The following GPHN variants were observed in gnomAD, a reference collection of about 807,000 sequenced individuals.
The protein encoded by GPHN is gephyrin.
GPHN carries 17 observed loss-of-function variants against 95.5 expected under a neutral mutation model. The ratio of observed to expected loss-of-function variants is 0.18; its 90% confidence interval spans 0.12 to 0.27. The LOEUF is 0.27. GPHN is among the 10% of genes least tolerant of loss of function. GPHN has a pLI of 1.00. For synonymous variants in GPHN, 320 were observed against 322.5 expected, an observed-to-expected ratio of 0.99 and a Z score of 0.08; for missense variants, 660 against 978.1, an observed-to-expected ratio of 0.67 and a Z score of 4.34.
the GPHN span, chr14:67,279,089 GA>G: frequency 1.5e-6 from 2 of 1,318,440 alleles, no homozygotes; most frequent in Non-Finnish European, 2.0e-6. Flanking sequence ...AAGTAACATG[GA>G]TTTTATACTA....
chr14:67,309,370 A>G, the GPHN span, among the ~76,000 whole-genome samples: 4 of 152,164 alleles, frequency 2.6e-5, no homozygotes, highest in African/African-American at 7.2e-5. Context: ...CAAATCATTA[A>G]TTTTTCAGAT....
chr14:67,579,130 T>G, the GPHN span: 1 of 1,504,840 alleles, frequency 6.6e-7, no homozygotes, highest in Non-Finnish European at 9.1e-7. Context: ...TTCCGTCTTT[T>G]TAGAAGTGAA....
At chr14:67,223,969 G>A in the GPHN span, 1 of 984,892 alleles carries the variant, frequency 1.0e-6, no homozygotes. Context: ...TTATATTATA[G>A]GCGGAAATCA....
the GPHN span, among the ~76,000 whole-genome samples, chr14:67,687,045 T>C: frequency 6.6e-6 from 1 of 152,214 alleles, no homozygotes; most frequent in Non-Finnish European, 1.5e-5. Context: ...GTTCCCGACA[T>C]GCCCAATCAG....
At chr14:67,309,328 CTGTT>C in the GPHN span, among the ~76,000 whole-genome samples, 2 of 152,100 alleles carry the variant, frequency 1.3e-5, no homozygotes, top group Non-Finnish European at 2.9e-5. Context: ...CATATAGTAT[CTGTT>C]AAGGCAATAC....
the GPHN span, among the ~76,000 whole-genome samples, chr14:67,516,233 C>A: frequency 3.3e-5 from 5 of 152,296 alleles, no homozygotes; most frequent in Non-Finnish European, 7.3e-5. Flanking sequence ...CTGGGTGCCT[C>A]AGCCAAGAGG....
chr14:66,922,812 C>G lies in GPHN; in HGVS notation c.603C>G (p.Pro201=), dbSNP rs2153561509. 8 of 1,613,636 alleles carry G rather than the reference C, an allele frequency of 5.0e-6. No individual in the cohort carries two copies. The highest frequency in any genetic ancestry group is 1.1e-5 in the South Asian group (1 of 91,048). Residue 201 remains proline (P), a synonymous_variant, in exon 7 of 23, where the codon CCC becomes CCG. Coordinates refer to ENST00000478722, the MANE Select transcript of GPHN (RefSeq NM_020806.5). The part of the protein sequence containing the change: ...PPLSPPPTTS[P]HKQTEDKGVQ... ...TTTCCCCTCCTCCTACTACCAGCCCCCATAAACAGACAGAAGACAAAGGAG... is the reference window on the plus strand; with the variant it reads ...TTTCCCCTCCTCCTACTACCAGCCCGCATAAACAGACAGAAGACAAAGGAG...
chr14:67,663,884 T>C, the GPHN span, among the ~76,000 whole-genome samples: 1 of 152,268 alleles, frequency 6.6e-6, no homozygotes, highest in Non-Finnish European at 1.5e-5. Flanking sequence ...GATAATTTCC[T>C]TCATTTCTTT....
chr14:67,503,938 G>A, the GPHN span, among the ~76,000 whole-genome samples: 13 of 151,788 alleles, frequency 8.6e-5, no homozygotes, highest in African/African-American at 3.1e-4. Flanking sequence ...TCCTGACCTC[G>A]TGATCTGCCT....
chr14:67,381,488 G>C, the GPHN span: 1 of 812,336 alleles, frequency 1.2e-6, no homozygotes, highest in Non-Finnish European at 2.0e-6. Flanking sequence ...GTTGGATTCA[G>C]TATAAGTATT....
chr14:67,723,552 T>C, the GPHN span, among the ~76,000 whole-genome samples: 1 of 152,128 alleles, frequency 6.6e-6, no homozygotes, highest in Admixed American at 6.5e-5. Flanking sequence ...TTTCTTATGA[T>C]AAAGGAGGTT....
chr14:67,599,210 G>A, the GPHN span, among the ~76,000 whole-genome samples: 1 of 151,990 alleles, frequency 6.6e-6, no homozygotes, highest in Non-Finnish European at 1.5e-5. Flanking sequence ...ATCACTTCTG[G>A]GATAATACAT....
At chr14:67,671,285 G>T in the GPHN span, among the ~76,000 whole-genome samples, 2 of 152,160 alleles carry the variant, frequency 1.3e-5, no homozygotes, top group Non-Finnish European at 2.9e-5. Context: ...TAGCACTTTG[G>T]GAGGCCGTGG....
the GPHN span, among the ~76,000 whole-genome samples, chr14:67,291,193 C>T: frequency 2.7e-5 from 4 of 149,396 alleles, no homozygotes; most frequent in Non-Finnish European, 5.9e-5. Context: ...TGCATGTACA[C>T]TCACACAGCC....
At chr14:66,512,975 T>G (rs1401942510) in intron 1 of GPHN, among the ~76,000 whole-genome samples, 18 of 151,790 alleles carry the variant, frequency 1.2e-4, no homozygotes, top group Admixed American at 1.2e-3. Flanking sequence ...ATGTTCTGCC[T>G]AACTTAGCTG....
At chr14:66,513,850 TTAAC>T (rs1035075011) in intron 1 of GPHN, among the ~76,000 whole-genome samples, 63 of 152,054 alleles carry the variant, frequency 4.1e-4, no homozygotes, top group Middle Eastern at 3.4e-3. Context: ...TAAATTAATT[TTAAC>T]TAAGTAGAGC....
In GPHN at chr14:66,628,693, A is replaced by AT. The variant is rs956696207; in HGVS notation, c.65-52407dup. On this transcript the variant is annotated intron_variant, in intron 1 of 22. Coordinates refer to ENST00000478722, the MANE Select transcript of GPHN (RefSeq NM_020806.5). ...AATAAATTTACTTTAGCTTACTTTA[A>AT]TTTTTTTAGTTTATAAACTTCTTGA... Among the ~76,000 whole-genome samples, 7 of 152,094 alleles carry AT rather than the reference A, an allele frequency of 4.6e-5. 1 individual carries two copies. In the East Asian group the frequency reaches 1.4e-3, roughly 29 times the overall value.
At chr14:66,776,229 G>A (rs2059378237) in intron 2 of GPHN, among the ~76,000 whole-genome samples, 1 of 152,070 alleles carries the variant, frequency 6.6e-6, no homozygotes, top group Non-Finnish European at 1.5e-5. Context: ...AATAAGAGGA[G>A]CTTAGTTATG....
At chr14:66,720,759 G>A (rs1188006818) in intron 2 of GPHN, among the ~76,000 whole-genome samples, 1 of 152,094 alleles carries the variant, frequency 6.6e-6, no homozygotes. Flanking sequence ...CAGCATTTTT[G>A]GAGTCCAACG....
Sources: allele counts gnomAD v4.1 joint callset (sites outside exome capture counted in the v4.1 genomes callset), GRCh38; gene constraint gnomAD v4.1.1; transcripts MANE v1.5; gene names NCBI Gene and HGNC (gene_info 2026-07-23, HGNC 2026-07-21).